PIAS2: variants seen among roughly 807,000 people sequenced by gnomAD.
The protein encoded by PIAS2 is E3 SUMO-protein ligase PIAS2.
In PIAS2, 19 loss-of-function variants were observed where a neutral mutation model predicts 69.7. The observed-to-expected ratio is 0.27, with a 90% CI of 0.19 to 0.40. The LOEUF is 0.40. PIAS2 is among the 10% of genes least tolerant of loss of function. PIAS2 has a pLI of 1.00. For missense variants in PIAS2, 624 were observed against 757.0 expected (o/e 0.82, Z 2.06); for synonymous variants, 261 against 263.2 (o/e 0.99, Z 0.08).
At chr18:46,916,744 T>C in intron 1 of PIAS2, 2 of 864,764 alleles carry the variant, frequency 2.3e-6, no homozygotes, top group Non-Finnish European at 2.8e-6. Flanking sequence ...AGGCCGATTA[T>C]TGAAGGCAGG....
intron 3 of PIAS2, among the ~76,000 whole-genome samples, chr18:46,859,705 A>G (rs1413734323): frequency 6.6e-6 from 1 of 152,216 alleles, no homozygotes; most frequent in Non-Finnish European, 1.5e-5. Flanking sequence ...ACAAAAGATA[A>G]GCAGGTTTGA....
At chr18:46,838,900 T>C (rs1293081312) in intron 8 of PIAS2, among the ~76,000 whole-genome samples, 3 of 152,218 alleles carry the variant, frequency 2.0e-5, no homozygotes, top group African/African-American at 7.2e-5. Flanking sequence ...AGTTTTTTAA[T>C]TTAATTACCC....
At chr18:46,816,025 T>C (rs1191328929) in intron 12 of PIAS2, 2 of 983,176 alleles carry the variant, frequency 2.0e-6, no homozygotes, top group African/African-American at 3.5e-5. Context: ...ATTCAAGTAA[T>C]AACAATAAAT....
chr18:46,861,268 A>G (rs1362695873), intron 3 of PIAS2, among the ~76,000 whole-genome samples: 1 of 152,028 alleles, frequency 6.6e-6, no homozygotes, highest in Non-Finnish European at 1.5e-5. Context: ...TGAATGAATG[A>G]AAGAAAGAAA....
intron 2 of PIAS2, among the ~76,000 whole-genome samples, chr18:46,888,398 C>T (rs1311574107): frequency 6.6e-6 from 1 of 151,498 alleles, no homozygotes; most frequent in African/African-American, 2.4e-5. Context: ...AAAACTCATT[C>T]TAAAATTCAC....
At chr18:46,831,415 ATG>A (rs2043600692) in intron 9 of PIAS2, among the ~76,000 whole-genome samples, 1 of 152,244 alleles carries the variant, frequency 6.6e-6, no homozygotes, top group Non-Finnish European at 1.5e-5. Flanking sequence ...CAATACTCTT[ATG>A]TCACCACAGA....
chr18:46,857,903 G>A (rs1410690088), intron 3 of PIAS2, among the ~76,000 whole-genome samples: 1 of 152,198 alleles, frequency 6.6e-6, no homozygotes, highest in Non-Finnish European at 1.5e-5. Flanking sequence ...TGATAAAAAT[G>A]AGTAGAAGAA....
chr18:46,860,592 T>C (rs1448729092), intron 3 of PIAS2, among the ~76,000 whole-genome samples: 2 of 152,092 alleles, frequency 1.3e-5, no homozygotes, highest in Non-Finnish European at 2.9e-5. Context: ...TAGCCAAAGA[T>C]AGAACAATTT....
At chr18:46,917,621 C>A, upstream of PIAS2, 1 of 915,244 alleles carries the variant, frequency 1.1e-6, no homozygotes, top group Non-Finnish European at 1.3e-6. Context: ...GGCGACAGCG[C>A]CCGCCCGCGC....
intron 3 of PIAS2, among the ~76,000 whole-genome samples, chr18:46,861,810 A>G (rs1418136203): frequency 6.6e-6 from 1 of 152,256 alleles, no homozygotes; most frequent in African/African-American, 2.4e-5. Flanking sequence ...GGATGACTCA[A>G]CAATTAAATG....
At chr18:46,886,327 T>A (rs531915454) in intron 2 of PIAS2, among the ~76,000 whole-genome samples, 33 of 152,204 alleles carry the variant, frequency 2.2e-4, no homozygotes, top group East Asian at 5.8e-4. Context: ...GGAAAAAAAA[T>A]TTTTTTAAGT....
chr18:46,878,686 T>C (rs2051661288), intron 2 of PIAS2, among the ~76,000 whole-genome samples: 1 of 152,174 alleles, frequency 6.6e-6, no homozygotes, highest in South Asian at 2.1e-4. Context: ...CTGGCCAACA[T>C]GGCGAAACCC....
intron 12 of PIAS2, chr18:46,818,023 G>C (rs1207467480): frequency 2.0e-6 from 2 of 989,168 alleles, no homozygotes; most frequent in South Asian, 4.7e-5. Context: ...TTTCATGGTT[G>C]AAAATGCTCA....
intron 2 of PIAS2, among the ~76,000 whole-genome samples, chr18:46,871,708 C>A (rs1286945296): frequency 6.6e-6 from 1 of 152,110 alleles, no homozygotes; most frequent in Non-Finnish European, 1.5e-5. Flanking sequence ...CTCAGAAGAA[C>A]TTTTTGTCTT....
Position 46,846,804 on chromosome 18 carries a change from T to A in PIAS2, c.764A>T (p.Lys255Met). 1 of 1,611,880 alleles carries A rather than the reference T, an allele frequency of 6.2e-7. No individual in the cohort carries two copies. Among genetic ancestry groups the A allele is most frequent in the Non-Finnish European group, 8.5e-7 (1 of 1,178,882 alleles). Residue 255 changes from lysine (K) to methionine (M), a missense_variant, in exon 6 of 14, where the codon AAG (lysine) becomes ATG (methionine). Transcript: ENST00000585916. The part of the protein sequence containing the change: ...APPPKNGIEQ[K>M]RPGRPLNITS... ...AATATTCAAGGGGCGTCCAGGGCGC[T>A]TCTGTTCAATCCCATTTTTAGGCGG...
chr18:46,847,407 T>C (rs1421048771), intron 5 of PIAS2, among the ~76,000 whole-genome samples: 1 of 152,142 alleles, frequency 6.6e-6, no homozygotes, highest in African/African-American at 2.4e-5. Flanking sequence ...ATTTCAGTTG[T>C]CATTAAATGA....
At chr18:46,815,510 T>C (rs1445598011) in intron 12 of PIAS2, 161 bp from the exon 13 acceptor site, 2 of 985,140 alleles carry the variant, frequency 2.0e-6, no homozygotes, top group Admixed American at 6.2e-5. Flanking sequence ...TTGAAGTGTT[T>C]AAAACCCAAA....
chr18:46,827,825 T>C, intron 11 of PIAS2, 134 bp downstream of exon 11: 1 of 716,512 alleles, frequency 1.4e-6, no homozygotes, highest in Non-Finnish European at 2.2e-6. Context: ...TACTCGAAAA[T>C]ATTTCAACTC....
At chr18:46,827,420 A>G (rs945008018) in intron 11 of PIAS2, 3 of 152,278 alleles carry the variant, frequency 2.0e-5, no homozygotes, top group African/African-American at 7.2e-5. Flanking sequence ...GAAAAGGGAA[A>G]GGAATCAATT....
Sources: gnomAD v4.1 joint callset for allele counts (sites outside exome capture counted in the v4.1 genomes callset) on GRCh38, gnomAD v4.1.1 for gene constraint, MANE v1.5 for transcripts, NCBI Gene and HGNC (gene_info 2026-07-23, HGNC 2026-07-21) for gene names.